The following GRK4 variants were observed in gnomAD, a reference collection of about 807,000 sequenced individuals.
GRK4 encodes G protein-coupled receptor kinase 2-like.
A neutral mutation model predicts 77.9 loss-of-function variants in GRK4; 73 were observed. The observed-to-expected ratio is 0.94, with a 90% CI of 0.78 to 1.14. The LOEUF is 1.14. Ranked by LOEUF, GRK4 falls within the 50% of genes most tolerant of loss-of-function variation. The pLI is 0.00. For missense variants in GRK4, 729 were observed against 700.2 expected (o/e 1.04, Z -0.46); for synonymous variants, 257 against 254.4 (o/e 1.01, Z -0.10).
intron 13 of GRK4, 61 bp from the exon 14 acceptor site, chr4:3,037,313 A>G: frequency 2.7e-6 from 4 of 1,490,672 alleles, no homozygotes; most frequent in African/African-American, 1.4e-5. Context: ...ATTCTTGGGA[A>G]CTGAGGGAGC....
chr4:2,965,267 A>C, intron 1 of GRK4: 1 of 703,062 alleles, frequency 1.4e-6, no homozygotes, highest in Non-Finnish European at 2.6e-6. Flanking sequence ...CCACAAAAGC[A>C]TCAGTTGGTC....
chr4:3,017,002 C>A (rs544682407), intron 8 of GRK4, among the ~76,000 whole-genome samples: 2 of 152,362 alleles, frequency 1.3e-5, no homozygotes, highest in South Asian at 4.1e-4. Flanking sequence ...TGCGCCCTGA[C>A]CCATGGCAGT....
intron 1 of GRK4, among the ~76,000 whole-genome samples, chr4:2,972,378 C>T (rs1719822878): frequency 6.6e-6 from 1 of 152,152 alleles, no homozygotes; most frequent in African/African-American, 2.4e-5. Context: ...AGCCGGCCCA[C>T]CTTTGAGTAT....
rs545770050 is a variant in GRK4 at position 3,019,767 on chromosome 4, G to A, written c.868G>A (p.Val290Ile). ...TCCCGGCTTTGATGAGCAGAGAGCC[G>A]TTTTCTATGCTGCAGAGCTGTGTTG... ...GNPGFDEQRAVFYAAELCCGL... is the reference protein window; with the variant it reads ...GNPGFDEQRAIFYAAELCCGL... The change falls in exon 9 of 16, where the codon GTT (valine) becomes ATT (isoleucine). Residue 290 changes from valine to isoleucine, a missense_variant. Transcript: ENST00000398052. 3.0e-5 allele frequency: 49 copies of A among 1,614,162 alleles called. No homozygotes were observed. Among genetic ancestry groups the A allele is most frequent in the Admixed American group, 2.7e-4 (16 of 60,032 alleles).
chr4:2,982,116 G>A (rs1166053220), intron 1 of GRK4, among the ~76,000 whole-genome samples: 2 of 152,286 alleles, frequency 1.3e-5, no homozygotes, highest in Non-Finnish European at 2.9e-5. Context: ...CTGGGCTCCT[G>A]AGAGCACAGG....
rs377046444 is a variant in GRK4, at chr4:3,008,448, T to C, written c.536+620T>C. On this transcript the variant is annotated intron_variant, in intron 6 of 15. Coordinates refer to ENST00000398052, the MANE Select transcript of GRK4 (RefSeq NM_182982.3). ...TCCTTGGACCATTGCTAGGATCACC[T>C]GGGAAATGTGTGTACAACGCTTATA... Among the ~76,000 whole-genome samples the C allele has an allele frequency of 3.9e-5, 6 of 152,194 alleles. No homozygotes were observed. The East Asian group carries it at 1.2e-3, about 29-fold the overall frequency.
chr4:3,037,918 C>CA (rs80159278), intron 14 of GRK4, among the ~76,000 whole-genome samples: 14,820 of 109,836 alleles, frequency 0.13, 1,520 homozygotes, highest in African/African-American at 0.32. Context: ...TCGTCTCACC[C>CA]AAAAAAAAAA....
At chr4:2,964,660 C>T (rs1023170685) in intron 1 of GRK4, among the ~76,000 whole-genome samples, 1 of 152,048 alleles carries the variant, frequency 6.6e-6, no homozygotes, top group African/African-American at 2.4e-5. Flanking sequence ...TTTAGCACGA[C>T]GTGGTCACAG....
chr4:2,992,479 A>T (rs1273496528), intron 4 of GRK4, among the ~76,000 whole-genome samples, 187 bp downstream of exon 4: 2 of 152,110 alleles, frequency 1.3e-5, no homozygotes, highest in African/African-American at 4.8e-5. Flanking sequence ...CAGGAGTTCG[A>T]GATCAGCATG....
chr4:2,964,432 T>G (rs1716827758), intron 1 of GRK4, among the ~76,000 whole-genome samples: 1 of 152,114 alleles, frequency 6.6e-6, no homozygotes, highest in Non-Finnish European at 1.5e-5. Flanking sequence ...GTGACAGTGT[T>G]GCTTCAGGAT....
intron 5 of GRK4, among the ~76,000 whole-genome samples, chr4:3,005,865 C>G (rs530524257): frequency 6.6e-6 from 1 of 152,114 alleles, no homozygotes; most frequent in African/African-American, 2.4e-5. Context: ...CTGGCTTTCT[C>G]TTGAGGTGTG....
chr4:3,000,647 C>T (rs1015581242), intron 4 of GRK4, among the ~76,000 whole-genome samples: 4 of 151,808 alleles, frequency 2.6e-5, no homozygotes, highest in African/African-American at 9.7e-5. Context: ...TCACTGCAAC[C>T]TTTGCCTCCT....
intron 1 of GRK4, among the ~76,000 whole-genome samples, chr4:2,972,995 A>C (rs570547632): frequency 1.3e-4 from 20 of 152,312 alleles, no homozygotes; most frequent in African/African-American, 4.6e-4. Context: ...TCAGCCTCAC[A>C]AAGTGCTGGG....
At chr4:2,993,375 T>C (rs1726839423) in intron 4 of GRK4, among the ~76,000 whole-genome samples, 1 of 152,014 alleles carries the variant, frequency 6.6e-6, no homozygotes, top group African/African-American at 2.4e-5. Flanking sequence ...AGCAAACATG[T>C]AATTAACACT....
At chr4:2,972,491 G>T (rs568439066) in intron 1 of GRK4, among the ~76,000 whole-genome samples, 239 of 152,220 alleles carry the variant, frequency 1.6e-3, no homozygotes, top group South Asian at 4.4e-3. Flanking sequence ...GTAGAGTGGC[G>T]CTAGGGTTCA....
At chr4:2,965,376 C>A (rs1397699043) in intron 1 of GRK4, 1 of 703,066 alleles carries the variant, frequency 1.4e-6, no homozygotes, top group Non-Finnish European at 2.6e-6. Flanking sequence ...GGCGACAGAG[C>A]CTCGGACCTC....
intron 10 of GRK4, among the ~76,000 whole-genome samples, chr4:3,025,733 T>C (rs1232966225): frequency 6.6e-6 from 1 of 152,170 alleles, no homozygotes; most frequent in Non-Finnish European, 1.5e-5. Flanking sequence ...AAAACATTTA[T>C]GTGGTTCCAA....
intron 5 of GRK4, 39 bp from the exon 6 acceptor site, chr4:3,007,695 AAT>A: frequency 1.6e-6 from 2 of 1,277,300 alleles, no homozygotes; most frequent in Non-Finnish European, 2.2e-6. Flanking sequence ...TTTATTTCTT[AAT>A]ACAACAAATG....
intron 12 of GRK4, among the ~76,000 whole-genome samples, chr4:3,034,524 C>T (rs1408621975): frequency 1.3e-5 from 2 of 152,058 alleles, no homozygotes; most frequent in Non-Finnish European, 2.9e-5. Context: ...TTTCAGGGGT[C>T]CAGGTCTTTC....
Sources: allele counts gnomAD v4.1 joint callset (sites outside exome capture counted in the v4.1 genomes callset), GRCh38; gene constraint gnomAD v4.1.1; transcripts MANE v1.5; gene names NCBI Gene and HGNC (gene_info 2026-07-23, HGNC 2026-07-21).